Variants in WDR4 observed in about 807,000 individuals in gnomAD.
The protein encoded by WDR4 is WDR4 tRNA N7-guanosine methyltransferase non-catalytic subunit, also known as tRNA (guanine-N(7)-)-methyltransferase non-catalytic subunit WDR4.
A neutral mutation model predicts 48.6 loss-of-function variants in WDR4; 47 were observed. The observed-to-expected ratio is 0.97, with a 90% CI of 0.77 to 1.23. The LOEUF (loss-of-function observed/expected upper bound fraction) is 1.23, where lower values mean the gene tolerates loss of function less well. Ranked by LOEUF, WDR4 falls within the 50% of genes most tolerant of loss-of-function variation. The pLI is 0.00. For missense variants in WDR4, 606 were observed against 551.6 expected (o/e 1.10, Z -0.99); for synonymous variants, 268 against 230.0 (o/e 1.17, Z -1.49).
At chr21:42,879,120 G>A (rs938936704) in intron 1 of WDR4, 38 of 1,212,170 alleles carry the variant, frequency 3.1e-5, no homozygotes, top group Non-Finnish European at 3.7e-5. Flanking sequence ...GACCGGAAGC[G>A]ACCCGGCGGC....
chr21:42,850,343 A>G (rs2145991047), intron 10 of WDR4, 101 bp from the exon 11 acceptor site: 2 of 1,135,418 alleles, frequency 1.8e-6, no homozygotes, highest in Non-Finnish European at 2.5e-6. Flanking sequence ...CGTGACTCCC[A>G]GAGTCCTCGG....
intron 3 of WDR4, among the ~76,000 whole-genome samples, chr21:42,870,274 C>T (rs948686832): frequency 6.6e-6 from 1 of 152,168 alleles, no homozygotes; most frequent in Non-Finnish European, 1.5e-5. Flanking sequence ...TCGCTTGAAC[C>T]CGGGAGGTGG....
Position 42,859,655 on chromosome 21 carries a change from C to T in WDR4, c.627+7G>A. 1 of 1,453,856 alleles carries T rather than the reference C, an allele frequency of 6.9e-7. No individual in the cohort carries two copies. The highest frequency in any genetic ancestry group is 2.9e-5 in the East Asian group (1 of 34,682). The allele number at this position is 1,453,856 out of a possible 1,614,324, so 90.1% of individuals were successfully genotyped here. On this transcript the variant is annotated splice_region_variant and intron_variant, in intron 6 of 10. Coordinates refer to ENST00000398208, the MANE Select transcript of WDR4 (RefSeq NM_018669.6). The stretch of plus-strand genomic sequence containing the variant: ...CAGAGGTGAGTGACGCTGGGCAGAA[C>T]ACTTACCCCAGAGGAGGACAGAAGC...
intron 8 of WDR4, 124 bp downstream of exon 8, chr21:42,854,438 C>A: frequency 2.1e-6 from 2 of 947,074 alleles, no homozygotes. Context: ...GAGGGAGGTG[C>A]TAGACCAATA....
chr21:42,854,919 CAG>C (rs980114194), intron 7 of WDR4, among the ~76,000 whole-genome samples: 3 of 152,026 alleles, frequency 2.0e-5, no homozygotes, highest in Non-Finnish European at 2.9e-5. Context: ...GCGGAGGACA[CAG>C]GGGAAAGGAA....
chr21:42,844,917 A>T (rs956974310), downstream of WDR4, among the ~76,000 whole-genome samples: 11 of 152,232 alleles, frequency 7.2e-5, no homozygotes, highest in East Asian at 2.1e-3. Flanking sequence ...CACTGGAACC[A>T]GGAGGGCAGG....
At chr21:42,879,381 C>G (rs1358581820) in intron 1 of WDR4, 26 bp downstream of exon 1, 1 of 1,610,882 alleles carries the variant, frequency 6.2e-7, no homozygotes, top group Non-Finnish European at 8.5e-7. Context: ...CCTGGTCTCC[C>G]TGTTCCAAGA....
At chr21:42,872,100 T>G (rs963519423) in intron 3 of WDR4, among the ~76,000 whole-genome samples, 3 of 152,022 alleles carry the variant, frequency 2.0e-5, no homozygotes, top group African/African-American at 7.2e-5. Flanking sequence ...TTCTCCTGCC[T>G]CAGCCTCCCG....
At chr21:42,879,332 G>A in intron 1 of WDR4, 75 bp downstream of exon 1, 4 of 1,572,140 alleles carry the variant, frequency 2.5e-6, no homozygotes, top group Middle Eastern at 1.9e-4. Context: ...AGGCGGTGCG[G>A]GAGAAGCGGG....
chr21:42,859,595 G>C, intron 6 of WDR4, 67 bp downstream of exon 6: 5 of 756,190 alleles, frequency 6.6e-6, no homozygotes, highest in East Asian at 2.7e-5. Flanking sequence ...GGTCCAGGAG[G>C]CGCCCACCCC....
intron 1 of WDR4, among the ~76,000 whole-genome samples, chr21:42,878,518 T>G (rs2058553061): frequency 6.6e-6 from 1 of 152,174 alleles, no homozygotes; most frequent in African/African-American, 2.4e-5. Context: ...TAACTTAACA[T>G]CGAATTGGCT....
At chr21:42,880,034 A>T (rs905842984), upstream of WDR4, among the ~76,000 whole-genome samples, 2 of 151,718 alleles carry the variant, frequency 1.3e-5, no homozygotes, top group African/African-American at 4.8e-5. Flanking sequence ...GGAGGCTGAG[A>T]CAGAAGAATT....
At position 42,863,261 on chromosome 21, in the gene WDR4, C is replaced by T. The variant is rs549055415; in HGVS notation, c.453+179G>A. On this transcript the variant is annotated intron_variant, in intron 4 of 10. Transcript: ENST00000398208. ...AACGCTGGGGCACAGACCGGGCAGACGTTGATTCAGCCTGTACCCCACATA... is the reference window on the plus strand; with the variant it reads ...AACGCTGGGGCACAGACCGGGCAGATGTTGATTCAGCCTGTACCCCACATA... 2.0e-4 allele frequency among the ~76,000 whole-genome samples: 30 copies of T among 152,338 alleles called. No homozygotes were observed. In the South Asian group the frequency reaches 4.8e-3, roughly 24 times the overall value.
intron 2 of WDR4, among the ~76,000 whole-genome samples, chr21:42,875,381 C>G (rs866185814): frequency 6.6e-6 from 1 of 152,068 alleles, no homozygotes; most frequent in South Asian, 2.1e-4. Flanking sequence ...AAAACCTCGT[C>G]TCTACTAAAA....
chr21:42,891,076 A>T, the WDR4 span, among the ~76,000 whole-genome samples: 61 of 152,294 alleles, frequency 4.0e-4, no homozygotes, highest in African/African-American at 1.4e-3. Context: ...TAATCCCAGC[A>T]CTTTGGGAGG....
chr21:42,873,598 C>T lies in WDR4; in HGVS notation c.249G>A (p.Lys83=). 1 of 1,614,186 alleles carries T rather than the reference C, an allele frequency of 6.2e-7. No individual in the cohort carries two copies. The change falls in exon 3 of 11, where the codon AAG becomes AAA. Residue 83 remains lysine, a synonymous_variant. Transcript: ENST00000398208. ...GSYFALTDDS[K]RLILFRTKPW... ...GTTTTGTACGGAAAAGAATCAGACG[C>T]TTACTGTCATCGGTTAAAGCAAAAT... is the stretch of plus-strand genomic sequence containing the variant.
chr21:42,877,902 A>G (rs551766105), intron 1 of WDR4, among the ~76,000 whole-genome samples: 1 of 152,116 alleles, frequency 6.6e-6, no homozygotes, highest in Middle Eastern at 3.4e-3. Flanking sequence ...AAAATTAGCC[A>G]GGCATGGTGG....
upstream of WDR4, chr21:42,883,827 C>T (rs1299605929): frequency 6.5e-6 from 1 of 153,308 alleles, no homozygotes; most frequent in Non-Finnish European, 1.5e-5. Flanking sequence ...TGTAATCCAC[C>T]TGATATGTGG....
At chr21:42,872,878 G>A (rs1010404522) in intron 3 of WDR4, among the ~76,000 whole-genome samples, 3 of 151,382 alleles carry the variant, frequency 2.0e-5, no homozygotes, top group African/African-American at 4.9e-5. Flanking sequence ...TCGAGGTTGC[G>A]ATGAGCAAAG....
Sources: gnomAD v4.1 joint callset for allele counts (sites outside exome capture counted in the v4.1 genomes callset) on GRCh38, gnomAD v4.1.1 for gene constraint, MANE v1.5 for transcripts, NCBI Gene and HGNC (gene_info 2026-07-23, HGNC 2026-07-21) for gene names.